FARS2: variants seen among roughly 807,000 people sequenced by gnomAD.
FARS2 encodes the protein phenylalanyl-tRNA synthetase 2, mitochondrial, also known as phenylalanine--tRNA ligase, mitochondrial.
Under a neutral mutation model 46.4 loss-of-function variants are expected in FARS2, and 40 were observed. The ratio of observed to expected loss-of-function variants is 0.86; its 90% CI spans 0.67 to 1.12. The LOEUF is 1.12. FARS2 is among the 50% of genes most tolerant of loss of function. The pLI, the probability that FARS2 is intolerant of heterozygous loss-of-function variation, is 0.00. For missense variants in FARS2, 513 were observed against 567.9 expected, an observed-to-expected ratio of 0.90 and a Z score of 0.98; for synonymous variants, 234 against 214.9, an observed-to-expected ratio of 1.09 and a Z score of -0.78.
intron 2 of FARS2, among the ~76,000 whole-genome samples, chr6:5,399,060 T>C (rs1263229699): frequency 6.6e-6 from 1 of 151,366 alleles, no homozygotes. Flanking sequence ...TAGAATAAAC[T>C]TCTGTCCATC....
At chr6:5,335,608 T>C (rs1026255066) in intron 1 of FARS2, among the ~76,000 whole-genome samples, 5 of 152,190 alleles carry the variant, frequency 3.3e-5, no homozygotes, top group Non-Finnish European at 7.4e-5. Context: ...AGCAATTAGT[T>C]GTAATGTAAA....
chr6:5,425,690 T>C (rs985866387), intron 3 of FARS2, among the ~76,000 whole-genome samples: 3 of 152,192 alleles, frequency 2.0e-5, no homozygotes, highest in African/African-American at 7.2e-5. Context: ...CCTCTTCCAT[T>C]TGGGCTCATG....
At chr6:5,616,029 A>AAC (rs1561754546) in intron 6 of FARS2, among the ~76,000 whole-genome samples, 1 of 151,046 alleles carries the variant, frequency 6.6e-6, no homozygotes, top group East Asian at 1.9e-4. Context: ...AAAAAAAAAA[A>AAC]AAAAAACAAC....
At chr6:5,329,760 C>A (rs1456324981) in intron 1 of FARS2, among the ~76,000 whole-genome samples, 1 of 152,182 alleles carries the variant, frequency 6.6e-6, no homozygotes, top group African/African-American at 2.4e-5. Context: ...GGAGGAGATA[C>A]ACAGGGTGAA....
At chr6:5,341,020 C>G (rs935910086) in intron 1 of FARS2, among the ~76,000 whole-genome samples, 2 of 150,460 alleles carry the variant, frequency 1.3e-5, no homozygotes, top group African/African-American at 4.9e-5. Flanking sequence ...TGGTGACGTG[C>G]GCCTGTAATC....
intron 4 of FARS2, among the ~76,000 whole-genome samples, chr6:5,500,700 G>A (rs945937765): frequency 1.3e-5 from 2 of 152,262 alleles, no homozygotes; most frequent in South Asian, 2.1e-4. Context: ...GAGTGCTTTG[G>A]TTGTAAGCTG....
At chr6:5,515,622 T>C (rs2150412369) in intron 4 of FARS2, among the ~76,000 whole-genome samples, 1 of 152,024 alleles carries the variant, frequency 6.6e-6, no homozygotes, top group South Asian at 2.1e-4. Context: ...AGAGAGGGGG[T>C]TTTGCCATGT....
rs754993719 is a variant in FARS2, at chr6:5,613,225, G to T, written c.1122G>T (p.Glu374Asp). ...INDISFWLPS[E>D]NYAENDFYDL... The stretch of plus-strand genomic sequence containing the variant: ...ATATTTCATTCTGGTTGCCCTCTGA[G>T]AATTACGCAGAAAATGATTTCTATG... The change falls in exon 6 of 7, where the codon GAG becomes GAT. Residue 374 changes from glutamate to aspartate, a missense_variant. Glu to Asp is a conservative substitution (Grantham distance 45). Coordinates refer to ENST00000274680, the MANE Select transcript of FARS2 (RefSeq NM_006567.5). 3 of 1,613,384 alleles carry T rather than the reference G, an allele frequency of 1.9e-6. No homozygotes were observed. Among genetic ancestry groups the T allele is most frequent in the Non-Finnish European group, 2.5e-6 (3 of 1,179,566 alleles).
At position 5,727,717 on chromosome 6, in the gene FARS2, A is replaced by C. The variant is rs540821354; in HGVS notation, c.1218-43574A>C. ...TGAGGAGTTCACAGATTGGAGTGCCACAGGGATCATATTTTCAGGTGCATT... is the reference window on the plus strand; with the variant it reads ...TGAGGAGTTCACAGATTGGAGTGCCCCAGGGATCATATTTTCAGGTGCATT... On this transcript the variant is annotated intron_variant, in intron 6 of 6. Coordinates refer to ENST00000274680, the MANE Select transcript of FARS2 (RefSeq NM_006567.5). This position sits in a 1 kb window ranked among gnomAD's most constrained non-coding sequence, Gnocchi z 4.1. 1.8e-4 allele frequency among the ~76,000 whole-genome samples: 28 copies of C among 152,332 alleles called. No individual in the cohort carries two copies. In the South Asian group the frequency reaches 2.3e-3, roughly 12 times the overall value.
At chr6:5,651,308 A>G (rs921183059) in intron 6 of FARS2, among the ~76,000 whole-genome samples, 2 of 152,206 alleles carry the variant, frequency 1.3e-5, no homozygotes, top group African/African-American at 4.8e-5. Context: ...CTCTTGAAGT[A>G]GGGCTAACAC....
the FARS2 span, among the ~76,000 whole-genome samples, chr6:5,250,439 A>G: frequency 1.2e-4 from 19 of 152,212 alleles, no homozygotes; most frequent in Non-Finnish European, 2.8e-4. Context: ...AATATCTTAA[A>G]TATTTTCTAC....
At chr6:5,440,403 G>A (rs533990435) in intron 4 of FARS2, among the ~76,000 whole-genome samples, 5 of 152,320 alleles carry the variant, frequency 3.3e-5, no homozygotes, top group African/African-American at 1.2e-4. Context: ...CACTGTGGAT[G>A]GATCTTTCTG....
chr6:5,324,216 G>A (rs1770190095), intron 1 of FARS2, among the ~76,000 whole-genome samples: 1 of 152,146 alleles, frequency 6.6e-6, no homozygotes, highest in African/African-American at 2.4e-5. Flanking sequence ...AACTCTTACA[G>A]TAGTGACAAA....
chr6:5,741,484 G>A (rs1291754294), intron 6 of FARS2, among the ~76,000 whole-genome samples: 1 of 152,156 alleles, frequency 6.6e-6, no homozygotes, highest in African/African-American at 2.4e-5. Context: ...AGCCTTTCCA[G>A]GGTATGGTTC....
chr6:5,693,283 T>C (rs1757883641), intron 6 of FARS2, among the ~76,000 whole-genome samples: 1 of 152,132 alleles, frequency 6.6e-6, no homozygotes, highest in Non-Finnish European at 1.5e-5. Context: ...TGCAAAATGA[T>C]CTAAATATTT....
intron 6 of FARS2, among the ~76,000 whole-genome samples, chr6:5,658,022 C>T (rs780781278): frequency 1.3e-5 from 2 of 152,080 alleles, no homozygotes; most frequent in African/African-American, 4.8e-5. Context: ...ATTGGGAGGC[C>T]GAGGTGGGCG....
intron 6 of FARS2, among the ~76,000 whole-genome samples, chr6:5,746,084 T>C (rs564797408): frequency 1.3e-5 from 2 of 152,312 alleles, no homozygotes; most frequent in African/African-American, 4.8e-5. Flanking sequence ...AAAAATATCT[T>C]CTAGTCCTGA....
At chr6:5,282,691 C>A (rs1766823464) in intron 1 of FARS2, among the ~76,000 whole-genome samples, 1 of 152,158 alleles carries the variant, frequency 6.6e-6, no homozygotes, top group South Asian at 2.1e-4. Flanking sequence ...TAAACTGGTG[C>A]TTTAGAAAGG....
At chr6:5,475,396 G>A (rs1347558450) in intron 4 of FARS2, among the ~76,000 whole-genome samples, 1 of 152,186 alleles carries the variant, frequency 6.6e-6, no homozygotes, top group Non-Finnish European at 1.5e-5. Context: ...CCAGATTACG[G>A]AGGACCTTAA....
Sources: gnomAD v4.1 joint callset for allele counts (sites outside exome capture counted in the v4.1 genomes callset) on GRCh38, gnomAD v4.1.1 for gene constraint, Gnocchi (gnomAD v3.1) non-coding constraint, MANE v1.5 for transcripts, NCBI Gene and HGNC (gene_info 2026-07-23, HGNC 2026-07-21) for gene names.